Variants in CHST11 observed in about 807,000 individuals in gnomAD.
The protein encoded by CHST11 is carbohydrate sulfotransferase 11, also known as C4S-1.
In CHST11, 9 loss-of-function variants were observed where a neutral mutation model predicts 30.4. That is an observed-to-expected ratio of 0.30 (90% confidence interval 0.18 to 0.52). CHST11 has a LOEUF of 0.52. CHST11 is among the 20% of genes least tolerant of loss of function. The probability of loss-of-function intolerance (pLI) is 0.97; values close to 1 mark genes in which losing one functional copy is unlikely to be tolerated. For synonymous variants in CHST11, 152 were observed against 187.8 expected (o/e 0.81, Z 1.56); for missense variants, 348 against 460.6 (o/e 0.76, Z 2.24).
At chr12:104,484,840 G>A (rs1034574544) in intron 1 of CHST11, among the ~76,000 whole-genome samples, 6 of 152,232 alleles carry the variant, frequency 3.9e-5, no homozygotes, top group African/African-American at 1.4e-4. Context: ...GCTCTCTCCT[G>A]AGCAAGCCAT....
intron 1 of CHST11, among the ~76,000 whole-genome samples, chr12:104,462,026 G>A (rs2037412453): frequency 2.0e-5 from 3 of 151,512 alleles, no homozygotes; most frequent in African/African-American, 7.3e-5. Flanking sequence ...AATTAGCCGG[G>A]CGTGGTGGTG....
intron 1 of CHST11, among the ~76,000 whole-genome samples, chr12:104,504,152 G>A (rs958659348): frequency 2.6e-5 from 4 of 152,180 alleles, no homozygotes; most frequent in Non-Finnish European, 5.9e-5. Context: ...AGTCATCAGC[G>A]CCTTGCTGTG....
intron 2 of CHST11, among the ~76,000 whole-genome samples, chr12:104,755,397 T>C (rs1592877617): frequency 1.3e-5 from 2 of 151,834 alleles, no homozygotes; most frequent in South Asian, 2.1e-4. Flanking sequence ...GACAGGAGGG[T>C]TGTGCTATGA....
chr12:104,696,485 A>G (rs1264070496), intron 2 of CHST11, among the ~76,000 whole-genome samples: 27 of 65,554 alleles, frequency 4.1e-4, no homozygotes, highest in Non-Finnish European at 1.1e-4. Context: ...AAAAATACAA[A>G]AAAAAAAAAA....
At chr12:104,618,696 G>A (rs10861256) in intron 2 of CHST11, among the ~76,000 whole-genome samples, 96,746 of 151,962 alleles carry the variant, frequency 0.64, 31,310 homozygotes, top group East Asian at 0.91. Context: ...CATTCAGACA[G>A]CCTTTCACTG....
chr12:104,502,579 T>G (rs2037862287), intron 1 of CHST11, among the ~76,000 whole-genome samples: 1 of 152,172 alleles, frequency 6.6e-6, no homozygotes, highest in African/African-American at 2.4e-5. Flanking sequence ...CTTTTAGCCC[T>G]ACTCCCCGCA....
chr12:104,470,712 C>T (rs116096786), intron 1 of CHST11, among the ~76,000 whole-genome samples: 2,635 of 152,310 alleles, frequency 0.017, 90 homozygotes, highest in African/African-American at 0.06. Context: ...GTGAGATGCA[C>T]ATTTACCAAT....
At chr12:104,547,415 C>G (rs867338026) in intron 1 of CHST11, among the ~76,000 whole-genome samples, 4 of 152,202 alleles carry the variant, frequency 2.6e-5, no homozygotes, top group African/African-American at 9.7e-5. Flanking sequence ...AAGATGGGTG[C>G]ATGCGAGTAC....
intron 1 of CHST11, among the ~76,000 whole-genome samples, chr12:104,558,142 C>T (rs1387972265): frequency 6.6e-6 from 1 of 152,130 alleles, no homozygotes; most frequent in Non-Finnish European, 1.5e-5. Flanking sequence ...CAAAGCACCC[C>T]CTCTGCCTCT....
chr12:104,609,443 A>G (rs1317502786), intron 2 of CHST11, among the ~76,000 whole-genome samples: 3 of 152,102 alleles, frequency 2.0e-5, no homozygotes, highest in Admixed American at 6.5e-5. Context: ...ACAGTGAACT[A>G]CCTCTTTCAC....
At chr12:104,751,786 A>C (rs888043924) in intron 2 of CHST11, among the ~76,000 whole-genome samples, 1 of 152,192 alleles carries the variant, frequency 6.6e-6, no homozygotes, top group African/African-American at 2.4e-5. Flanking sequence ...CCATTTTGCA[A>C]ATAGAGGAAC....
At chr12:104,592,482 G>A (rs2038869507) in intron 1 of CHST11, among the ~76,000 whole-genome samples, 1 of 152,124 alleles carries the variant, frequency 6.6e-6, no homozygotes. Context: ...TTTTATAAGG[G>A]CACTAATTCC....
intron 1 of CHST11, among the ~76,000 whole-genome samples, chr12:104,598,830 G>A (rs565970827): frequency 5.8e-4 from 88 of 150,832 alleles, no homozygotes; most frequent in African/African-American, 2.0e-3. Flanking sequence ...CTCCCACCCT[G>A]GTGGGTGGGG....
At position 104,513,493 on chromosome 12, in the gene CHST11, G is replaced by A. The variant is rs1457368579; in HGVS notation, c.118+55964G>A. On this transcript the variant is annotated intron_variant, in intron 1 of 2. Coordinates refer to ENST00000303694, the MANE Select transcript of CHST11 (RefSeq NM_018413.6). ...AGGTACTAACATATAACCTTTGTGT[G>A]TTTATTATGAAGCCTTCATCTTTAA... Among the ~76,000 whole-genome samples the A allele has an allele frequency of 2.0e-5, 3 of 152,154 alleles. No individual in the cohort carries two copies. In the East Asian group the frequency reaches 5.8e-4, roughly 29 times the overall value.
intron 1 of CHST11, among the ~76,000 whole-genome samples, chr12:104,481,067 C>T (rs909428380): frequency 2.6e-5 from 4 of 152,168 alleles, no homozygotes; most frequent in African/African-American, 9.7e-5. Context: ...CTCTCTGTGC[C>T]GTACTTTCCA....
chr12:104,564,944 T>G (rs1223077910), intron 1 of CHST11, among the ~76,000 whole-genome samples: 1 of 152,142 alleles, frequency 6.6e-6, no homozygotes, highest in Non-Finnish European at 1.5e-5. Context: ...CTCACTATCA[T>G]GAGAACAGCA....
intron 2 of CHST11, among the ~76,000 whole-genome samples, chr12:104,621,574 G>A (rs773229845): frequency 1.4e-4 from 22 of 152,232 alleles, no homozygotes; most frequent in Admixed American, 2.0e-4. Flanking sequence ...AAGGGAGGCA[G>A]GAGTGTCAAA....
intron 1 of CHST11, among the ~76,000 whole-genome samples, chr12:104,586,614 C>T (rs1650136): frequency 0.24 from 36,634 of 152,248 alleles, 4,631 homozygotes; most frequent in East Asian, 0.4. Flanking sequence ...CAGACATCAG[C>T]GTGTCCAGGT....
intron 1 of CHST11, among the ~76,000 whole-genome samples, chr12:104,459,288 GC>G (rs1464665610): frequency 6.6e-6 from 1 of 152,138 alleles, no homozygotes; most frequent in Admixed American, 6.5e-5. Context: ...AAGCTCCAGG[GC>G]CCACCGGAGA....
Sources: gnomAD v4.1 joint callset for allele counts (sites outside exome capture counted in the v4.1 genomes callset) on GRCh38, gnomAD v4.1.1 for gene constraint, MANE v1.5 for transcripts, NCBI Gene and HGNC (gene_info 2026-07-23, HGNC 2026-07-21) for gene names.